PRSS22: variants seen among roughly 807,000 people sequenced by gnomAD.
The protein encoded by PRSS22 is brain-specific serine protease 4.
A neutral mutation model predicts 28.0 loss-of-function variants in PRSS22; 26 were observed. The ratio of observed to expected loss-of-function variants is 0.93; its 90% CI spans 0.68 to 1.29. The LOEUF is 1.29. PRSS22 is among the 50% of genes most tolerant of loss of function. The pLI is 0.00. For synonymous variants in PRSS22, 217 were observed against 177.9 expected (o/e 1.22, Z -1.75); for missense variants, 444 against 422.1 (o/e 1.05, Z -0.46).
rs1334668807 is a variant in PRSS22 at position 2,853,836 on chromosome 16, C to T, written c.717+29G>A. 1 of 1,611,408 alleles carries T rather than the reference C, an allele frequency of 6.2e-7. No homozygotes were observed. Among genetic ancestry groups the T allele is most frequent in the Admixed American group, 1.7e-5 (1 of 59,944 alleles). On this transcript the variant is annotated intron_variant, in intron 5 of 5. Transcript: ENST00000161006. This position sits in a 1 kb window ranked among gnomAD's most constrained non-coding sequence, Gnocchi z 4.6. ...TGGCTCCTTCCCGAGGCCCTCCTGG[C>T]CAGGGGTGGGGGGCTCGAGGGAGCT...
chr16:2,856,690 T>A, intron 2 of PRSS22, 132 bp downstream of exon 2: 1 of 1,048,500 alleles, frequency 9.5e-7, no homozygotes, highest in Non-Finnish European at 1.4e-6. Flanking sequence ...CCTGCCTCCC[T>A]TCCCCTCTAG....
chr16:2,854,490 C>A (rs1426447866), intron 4 of PRSS22: 3 of 159,910 alleles, frequency 1.9e-5, no homozygotes, highest in Non-Finnish European at 4.2e-5. Context: ...CTACAGAGAT[C>A]ATGGAGAGGT....
intron 4 of PRSS22, among the ~76,000 whole-genome samples, chr16:2,855,260 A>G (rs2069443081): frequency 6.7e-6 from 1 of 148,726 alleles, no homozygotes; most frequent in Non-Finnish European, 1.5e-5. Context: ...AGGTGGGAGG[A>G]TCACTTGAGC....
intron 4 of PRSS22, among the ~76,000 whole-genome samples, chr16:2,855,269 G>A (rs934061273): frequency 2.8e-5 from 4 of 144,530 alleles, no homozygotes; most frequent in Admixed American, 7.5e-5. Context: ...GATCACTTGA[G>A]CCTGGGAGGC....
rs2069447784 is a variant in PRSS22, at chr16:2,855,642, T to C, written c.491A>G (p.Asp164Gly). The C allele has an allele frequency of 1.9e-6, 3 of 1,614,048 alleles. No individual in the cohort carries two copies. Among genetic ancestry groups the C allele is most frequent in the African/African-American group, 2.7e-5 (2 of 74,988 alleles). ...GTTTGGAGGGAGGTGGATAGAGGCA[T>C]CAGGTAGGCAGATGGGCAGGACCCG... ...SERVLPICLP[D>G]ASIHLPPNTH... Residue 164 changes from aspartate (D) to glycine (G), a missense_variant, in exon 4 of 6, where the codon GAT becomes GGT. Asp to Gly is a moderately conservative substitution (Grantham distance 94). Transcript: ENST00000161006.
At chr16:2,854,631 A>G (rs755782745) in intron 4 of PRSS22, among the ~76,000 whole-genome samples, 1 of 151,946 alleles carries the variant, frequency 6.6e-6, no homozygotes, top group Non-Finnish European at 1.5e-5. Flanking sequence ...CTCTCTTTCA[A>G]ACTCTTTCTT....
rs199712440 is a variant in PRSS22, at chr16:2,855,688, G to A, written c.445C>T (p.Arg149Cys). 1,889 of 1,614,158 alleles carry A rather than the reference G, an allele frequency of 1.2e-3. 38 individuals carry two copies. In the South Asian group the frequency reaches 0.019, roughly 16 times the overall value. ...ACCCGCTCTGAGAACTGTATGGAGC[G>A]CTCGAGACGCACCAGGGCAATGTCT... is the stretch of plus-strand genomic sequence containing the variant. Reference protein sequence around the residue: ...CADIALVRLERSIQFSERVLP... With the variant: ...CADIALVRLECSIQFSERVLP... The change falls in exon 4 of 6, where the codon CGC becomes TGC. Residue 149 changes from arginine to cysteine, a missense_variant. Arg to Cys is a radical substitution (Grantham distance 180). Transcript: ENST00000161006.
chr16:2,852,975 G>A lies in PRSS22; in HGVS notation c.*118C>T. Reference sequence around the variant, plus strand: ...TCCGCAGCAGCCGTCCGGGCCCCCAGAGGTAGAGGTAGATGAGCCTATTTA... The same window carrying A: ...TCCGCAGCAGCCGTCCGGGCCCCCAAAGGTAGAGGTAGATGAGCCTATTTA... On this transcript the variant is annotated 3_prime_UTR_variant, in exon 6 of 6. Transcript: ENST00000161006. 1 of 26,452 alleles carries A rather than the reference G, an allele frequency of 3.8e-5. No individual in the cohort carries two copies. The highest frequency in any genetic ancestry group is 9.1e-5 in the Non-Finnish European group (1 of 10,942). The allele number at this position is 26,452 out of a possible 1,614,324, so 1.6% of individuals were successfully genotyped here. A position where few individuals can be genotyped will look rare whatever the true frequency, so the allele number is the denominator to read the frequency against.
At position 2,853,878 on chromosome 16, in the gene PRSS22, C is replaced by T. The variant is rs774661731; in HGVS notation, c.704G>A (p.Arg235Gln). ...GAGGGAGCTCACCAGACAAGCATCCCGCTCCCCCTCCAAGTAGCCGGCACA... is the reference window on the plus strand; with the variant it reads ...GAGGGAGCTCACCAGACAAGCATCCTGCTCCCCCTCCAAGTAGCCGGCACA... Reference protein sequence around the residue: ...MLCAGYLEGERDACLGDSGGP... With the variant: ...MLCAGYLEGEQDACLGDSGGP... The change falls in exon 5 of 6, where the codon CGG becomes CAG. Residue 235 changes from arginine to glutamine, a missense_variant. Arg to Gln is a conservative substitution (Grantham distance 43). Transcript: ENST00000161006. The surrounding 1 kb of genome is among the most constrained non-coding windows in gnomAD (Gnocchi z 4.6). 4.3e-6 allele frequency: 7 copies of T among 1,614,004 alleles called. No individual in the cohort carries two copies. The highest frequency in any genetic ancestry group is 3.3e-5 in the South Asian group (3 of 91,078).
In PRSS22 at chr16:2,853,221, T is replaced by C; in HGVS notation, c.826A>G (p.Ile276Val). The C allele has an allele frequency of 4.4e-6, 7 of 1,600,726 alleles. No individual in the cohort carries two copies. The highest frequency in any genetic ancestry group is 5.9e-6 in the Non-Finnish European group (7 of 1,179,688). Reference protein sequence around the residue: ...CAERNRPGVYISLSAHRSWVE... With the variant: ...CAERNRPGVYVSLSAHRSWVE... ...CAGGAGCGGTGCGCAGAGAGGCTGA[T>C]GTAGACCCCGGGCCTGTTGCGCTCG... Residue 276 changes from isoleucine to valine, a missense_variant, in exon 6 of 6, where the codon ATC becomes GTC. Coordinates refer to ENST00000161006, the MANE Select transcript of PRSS22 (RefSeq NM_022119.4). This position sits in a 1 kb window ranked among gnomAD's most constrained non-coding sequence, Gnocchi z 4.6.
Position 2,853,176 on chromosome 16 carries a change from C to T in PRSS22, c.871G>A (p.Gly291Arg). The change falls in exon 6 of 6, where the codon GGG becomes AGG. Residue 291 changes from glycine to arginine, a missense_variant. Coordinates refer to ENST00000161006, the MANE Select transcript of PRSS22 (RefSeq NM_022119.4). This position sits in a 1 kb window ranked among gnomAD's most constrained non-coding sequence, Gnocchi z 4.6. ...TGAGCGCGCCCGCGGAGCTGCACCC[C>T]TTGCACGATCTTCTCCACCCAGGAG... ...HRSWVEKIVQGVQLRGRAQGG... is the reference protein window; with the variant it reads ...HRSWVEKIVQRVQLRGRAQGG... 4 of 1,599,518 alleles carry T rather than the reference C, an allele frequency of 2.5e-6. No homozygotes were observed. Among genetic ancestry groups the T allele is most frequent in the African/African-American group, 2.7e-5 (2 of 75,018 alleles).
chr16:2,856,123 G>A lies in PRSS22; in HGVS notation c.240C>T (p.Leu80=). 1.2e-6 allele frequency: 2 copies of A among 1,613,946 alleles called. No individual in the cohort carries two copies. The highest frequency in any genetic ancestry group is 1.7e-6 in the Non-Finnish European group (2 of 1,179,960). ...CAGCAGTGATCACCCAGCGGCTGGT[G>A]AGCAGAGAACCTGCGCAGTGGTGGG... ...NGTHHCAGSL[L]TSRWVITAAH... Residue 80 remains leucine, a synonymous_variant, in exon 3 of 6, where the codon CTC becomes CTT. Transcript: ENST00000161006.
intron 4 of PRSS22, 59 bp downstream of exon 4, chr16:2,855,515 T>G: frequency 1.3e-6 from 2 of 1,585,608 alleles, no homozygotes; most frequent in South Asian, 1.1e-5. Context: ...TGTCCCTGAG[T>G]GTCTGCCATC....
Position 2,853,344 on chromosome 16 carries a change from C to T in PRSS22, c.718-15G>A. 6.3e-7 allele frequency: 1 copy of T among 1,585,192 alleles called. No homozygotes were observed. Among genetic ancestry groups the T allele is most frequent in the South Asian group, 1.1e-5 (1 of 89,846 alleles). Reference sequence around the variant, plus strand: ...CCGGAGTCGCCCTGCAGAGAGGAGGCGAGGTTAGGAACCCCCGTGGCACAG... The same window carrying T: ...CCGGAGTCGCCCTGCAGAGAGGAGGTGAGGTTAGGAACCCCCGTGGCACAG... On this transcript the variant is annotated splice_polypyrimidine_tract_variant and intron_variant, in intron 5 of 5. Coordinates refer to ENST00000161006, the MANE Select transcript of PRSS22 (RefSeq NM_022119.4). This position sits in a 1 kb window ranked among gnomAD's most constrained non-coding sequence, Gnocchi z 4.6.
In PRSS22 at chr16:2,858,007, C is replaced by T; in HGVS notation, c.82+16G>A. 1.6e-6 allele frequency: 2 copies of T among 1,269,886 alleles called. No individual in the cohort carries two copies. Among genetic ancestry groups the T allele is most frequent in the Non-Finnish European group, 2.0e-6 (2 of 999,366 alleles). The allele number at this position is 1,269,886 out of a possible 1,614,324, so 78.7% of individuals were successfully genotyped here. A position where few individuals can be genotyped will look rare whatever the true frequency, so the allele number is the denominator to read the frequency against. ...GGAGGTGAGAGGGAGGAGGGAGGAG[C>T]AGCCTCCGGACGTACCTGTCGACGC... On this transcript the variant is annotated intron_variant, in intron 1 of 5. Coordinates refer to ENST00000161006, the MANE Select transcript of PRSS22 (RefSeq NM_022119.4).
chr16:2,855,845 C>T lies in PRSS22; in HGVS notation c.288G>A (p.Leu96=), dbSNP rs781708677. ...GCACAGAGAACAGGTATGGTTTGTT[C>T]AGGTTGCTGGAAGGAAAGGGAAGGG... is the stretch of plus-strand genomic sequence containing the variant. ...ITAAHCFKDN[L]NKPYLFSVLL... Residue 96 remains leucine (L), a synonymous_variant, in exon 4 of 6, where the codon CTG becomes CTA. Transcript: ENST00000161006. 3.0e-5 allele frequency: 48 copies of T among 1,611,192 alleles called. No homozygotes were observed. Among genetic ancestry groups the T allele is most frequent in the Non-Finnish European group, 3.6e-5 (43 of 1,179,288 alleles).
chr16:2,856,778 C>T (rs1270313826), intron 2 of PRSS22, 44 bp downstream of exon 2: 1 of 1,550,896 alleles, frequency 6.4e-7, no homozygotes, highest in Non-Finnish European at 8.7e-7. Flanking sequence ...TGCGCGTGGG[C>T]CTCCTCCCTT....
At position 2,856,073 on chromosome 16, in the gene PRSS22, T is replaced by C. The variant is rs2150828668; in HGVS notation, c.281+9A>G. 2 of 1,612,302 alleles carry C rather than the reference T, an allele frequency of 1.2e-6. No homozygotes were observed. The highest frequency in any genetic ancestry group is 1.1e-5 in the South Asian group (1 of 91,058). ...AGAAGATCAAGTGCCCCAGGCCGGCTGTACATACTCCTTGAAACAGTGGGC... is the reference window on the plus strand; with the variant it reads ...AGAAGATCAAGTGCCCCAGGCCGGCCGTACATACTCCTTGAAACAGTGGGC... On this transcript the variant is annotated intron_variant, in intron 3 of 5. Transcript: ENST00000161006.
Position 2,855,578 on chromosome 16 carries a change from A to G in PRSS22, c.555T>C (p.Asp185=), listed in dbSNP as rs2069447041. The stretch of plus-strand genomic sequence containing the variant: ...TTGGAGAGGAAGAAGCCGCACCTCC[A>G]TCTTGGATGCTCCCCCAGCCTGAGA... ...CWISGWGSIQ[D]GVPLPHPQTL... is the part of the protein sequence containing the mutation. The change falls in exon 4 of 6, where the codon GAT becomes GAC. Residue 185 remains aspartate, a synonymous_variant. Coordinates refer to ENST00000161006, the MANE Select transcript of PRSS22 (RefSeq NM_022119.4). 1.9e-6 allele frequency: 3 copies of G among 1,613,820 alleles called. No individual in the cohort carries two copies. In the East Asian group the frequency reaches 6.7e-5, roughly 36 times the overall value.
Sources: allele counts gnomAD v4.1 joint callset (sites outside exome capture counted in the v4.1 genomes callset), GRCh38; gene constraint gnomAD v4.1.1; non-coding constraint Gnocchi (gnomAD v3.1); transcripts MANE v1.5; gene names NCBI Gene and HGNC (gene_info 2026-07-23, HGNC 2026-07-21).